The following HS6ST2 variants were observed in gnomAD, a reference collection of about 807,000 sequenced individuals.
The protein encoded by HS6ST2 is heparan sulfate 6-O-sulfotransferase 2, also known as heparan-sulfate 6-O-sulfotransferase 2.
A neutral mutation model predicts 33.0 loss-of-function variants in HS6ST2; 17 were observed. The ratio of observed to expected loss-of-function variants is 0.52; its 90% CI spans 0.35 to 0.77. HS6ST2 has a LOEUF of 0.77. Ranked by LOEUF, HS6ST2 falls within the 30% of genes least tolerant of loss-of-function variation. The pLI, the probability that HS6ST2 is intolerant of heterozygous loss-of-function variation, is 0.01. For missense variants in HS6ST2, 519 were observed against 551.7 expected (o/e 0.94, Z 0.59); for synonymous variants, 248 against 237.1 (o/e 1.05, Z -0.42).
intron 2 of HS6ST2, among the ~76,000 whole-genome samples, chrX:132,757,553 G>T (rs1469565974): frequency 9.0e-6 from 1 of 110,999 alleles, no homozygotes; most frequent in Non-Finnish European, 1.9e-5. Flanking sequence ...ACATCCTGAA[G>T]AGCAAAATGG....
At chrX:132,808,577 G>C (rs148536640) in intron 2 of HS6ST2, 49 of 112,143 alleles carry the variant, frequency 4.4e-4, no homozygotes, top group African/African-American at 1.5e-3. Flanking sequence ...CAGAACTGTA[G>C]GAACCTATCA....
chrX:132,733,861 A>T (rs764440065), intron 2 of HS6ST2, among the ~76,000 whole-genome samples: 1 of 109,173 alleles, frequency 9.2e-6, no homozygotes, highest in South Asian at 4.1e-4. Context: ...TTTACAGATG[A>T]AGCACAGAGA....
chrX:132,724,857 A>G (rs973196947), intron 2 of HS6ST2, among the ~76,000 whole-genome samples: 17 of 112,116 alleles, frequency 1.5e-4, no homozygotes, highest in Non-Finnish European at 2.6e-4. Flanking sequence ...ATACATGGAC[A>G]TTGAACTGAT....
chrX:132,874,964 C>T (rs1467625253), intron 2 of HS6ST2, among the ~76,000 whole-genome samples: 1 of 111,732 alleles, frequency 8.9e-6, no homozygotes, highest in Non-Finnish European at 1.9e-5. Flanking sequence ...GATGTTCTCT[C>T]TGCCTCTACC....
At chrX:132,943,848 G>A (rs187090992) in intron 2 of HS6ST2, among the ~76,000 whole-genome samples, 2 of 111,601 alleles carry the variant, frequency 1.8e-5, no homozygotes, top group Admixed American at 1.9e-4. Flanking sequence ...AGGTATTGAT[G>A]GGACGTATCT....
chrX:132,800,702 C>T (rs2065226390), intron 2 of HS6ST2, among the ~76,000 whole-genome samples: 1 of 111,462 alleles, frequency 9.0e-6, no homozygotes, highest in African/African-American at 3.3e-5. Context: ...AGAGGGACTA[C>T]ATGCTGACTG....
At chrX:132,655,008 C>T (rs954788581) in intron 4 of HS6ST2, among the ~76,000 whole-genome samples, 5 of 112,068 alleles carry the variant, frequency 4.5e-5, no homozygotes, top group African/African-American at 1.6e-4. Context: ...AGCTTTGTTC[C>T]TTGTATTCTA....
At chrX:132,698,475 G>A (rs1484078363) in intron 3 of HS6ST2, among the ~76,000 whole-genome samples, 2 of 111,910 alleles carry the variant, frequency 1.8e-5, no homozygotes, top group Admixed American at 9.5e-5. Flanking sequence ...AACACCCATT[G>A]CTGGAGCCCT....
At chrX:132,672,736 T>C (rs1212862377) in intron 3 of HS6ST2, among the ~76,000 whole-genome samples, 1 of 112,380 alleles carries the variant, frequency 8.9e-6, no homozygotes, top group African/African-American at 3.2e-5. Flanking sequence ...GAAAAAACAA[T>C]TTGCAGTATT....
At chrX:132,883,668 C>T (rs750286186) in intron 2 of HS6ST2, among the ~76,000 whole-genome samples, 1 of 111,008 alleles carries the variant, frequency 9.0e-6, no homozygotes, top group South Asian at 3.9e-4. Flanking sequence ...TGCAACCAAC[C>T]AGATAAGGAC....
intron 2 of HS6ST2, among the ~76,000 whole-genome samples, chrX:132,772,110 C>T (rs2064906723): frequency 1.8e-5 from 2 of 111,596 alleles, no homozygotes; most frequent in African/African-American, 6.5e-5. Context: ...AAAGAAATGG[C>T]CTGGTCATGG....
chrX:132,958,333 C>T lies in HS6ST2; in HGVS notation c.270G>A (p.Leu90=). 1 of 1,198,306 alleles carries T rather than the reference C, an allele frequency of 8.3e-7. No individual in the cohort carries two copies. Among genetic ancestry groups the T allele is most frequent in the Non-Finnish European group, 1.1e-6 (1 of 893,647 alleles). Residue 90 remains leucine, a synonymous_variant, in exon 1 of 5, where the codon CTG becomes CTA. Coordinates refer to ENST00000370833, the MANE Select transcript of HS6ST2 (RefSeq NM_001394073.1). Reference sequence around the variant, plus strand: ...GCATCCGCCTGCGGCGGCCCCGGGACAGCAGCGCGAAAAGCGGGGCGCACG... The same window carrying T: ...GCATCCGCCTGCGGCGGCCCCGGGATAGCAGCGCGAAAAGCGGGGCGCACG... ...GAACAPLFAL[L]SRGRRRRMHV... is the part of the protein sequence containing the mutation.
chrX:132,796,302 T>G (rs1602686338), intron 2 of HS6ST2, among the ~76,000 whole-genome samples: 1 of 111,640 alleles, frequency 9.0e-6, no homozygotes, highest in Non-Finnish European at 1.9e-5. Context: ...ACTATGAATA[T>G]TTTCCATCCA....
At chrX:132,931,320 C>G (rs909607791) in intron 2 of HS6ST2, among the ~76,000 whole-genome samples, 1 of 111,606 alleles carries the variant, frequency 9.0e-6, no homozygotes, top group Non-Finnish European at 1.9e-5. Context: ...TCAACATCAG[C>G]TCTTTGTTGC....
At chrX:132,697,668 C>T (rs1333132885) in intron 3 of HS6ST2, among the ~76,000 whole-genome samples, 1 of 111,754 alleles carries the variant, frequency 8.9e-6, no homozygotes, top group Non-Finnish European at 1.9e-5. Context: ...TAGTTTCTGA[C>T]CCAACGACTC....
chrX:132,827,769 T>C (rs1178982198), intron 2 of HS6ST2, among the ~76,000 whole-genome samples: 1 of 111,032 alleles, frequency 9.0e-6, no homozygotes, highest in Non-Finnish European at 1.9e-5. Context: ...AATTTACACC[T>C]ACAACCACTG....
chrX:132,714,937 C>T (rs17000306), intron 2 of HS6ST2, among the ~76,000 whole-genome samples: 1,443 of 111,734 alleles, frequency 0.013, 16 homozygotes, highest in Admixed American at 0.018. Flanking sequence ...GACCTACTGA[C>T]GGCTTAGTGT....
chrX:132,865,322 G>T lies in HS6ST2; in HGVS notation c.947+91486C>A, dbSNP rs777411242. On this transcript the variant is annotated intron_variant, in intron 2 of 4. Coordinates refer to ENST00000370833, the MANE Select transcript of HS6ST2 (RefSeq NM_001394073.1). ...GGACATGAACTCATCATTTTTTATG[G>T]CTGCATAGTATTCCATGGTGTATAT... Among the ~76,000 whole-genome samples, 703 of 110,627 alleles carry T rather than the reference G, an allele frequency of 6.4e-3. 4 individuals are homozygous for T. The highest frequency in any genetic ancestry group is 0.011 in the Non-Finnish European group (566 of 52,821).
intron 2 of HS6ST2, chrX:132,735,202 C>T (rs1258879297): frequency 1.8e-5 from 2 of 111,642 alleles, no homozygotes; most frequent in South Asian, 3.8e-4. Context: ...CAGTTGTCAA[C>T]GGAGCCATCC....
Sources: allele counts gnomAD v4.1 joint callset (sites outside exome capture counted in the v4.1 genomes callset), GRCh38; gene constraint gnomAD v4.1.1; transcripts MANE v1.5; gene names NCBI Gene and HGNC (gene_info 2026-07-23, HGNC 2026-07-21).